Variants in KLK11 observed in about 807,000 individuals in gnomAD.
KLK11 encodes the protein kallikrein-11.
A neutral mutation model predicts 23.4 loss-of-function variants in KLK11; 10 were observed. The ratio of observed to expected loss-of-function variants is 0.43; its 90% CI spans 0.26 to 0.73. KLK11 has a LOEUF of 0.73. Ranked by LOEUF, KLK11 falls within the 30% of genes least tolerant of loss-of-function variation. The probability of loss-of-function intolerance (pLI) is 0.22; values close to 1 mark genes in which losing one functional copy is unlikely to be tolerated. For missense variants in KLK11, 285 were observed against 327.8 expected, an observed-to-expected ratio of 0.87 and a Z score of 1.01; for synonymous variants, 131 against 131.7, an observed-to-expected ratio of 0.99 and a Z score of 0.03.
chr19:51,027,863 C>T (rs2091508279), upstream of KLK11: 1 of 244,408 alleles, frequency 4.1e-6, no homozygotes, highest in Non-Finnish European at 8.0e-6. Context: ...AGCAAATGTG[C>T]CTCCGCTGGT....
In KLK11 at chr19:51,023,198, T is replaced by C. The variant is rs777058317; in HGVS notation, c.494A>G (p.Asn165Ser). The C allele has an allele frequency of 6.2e-7, 1 of 1,613,504 alleles. No homozygotes were observed. Among genetic ancestry groups the C allele is most frequent in the African/African-American group, 1.3e-5 (1 of 74,838 alleles). ...CTTCTGGTGCTCAATGATGGTGATGTTGGCGCATCGCAAGGTGTGAGGCAG... is the reference window on the plus strand; with the variant it reads ...CTTCTGGTGCTCAATGATGGTGATGCTGGCGCATCGCAAGGTGTGAGGCAG... ...LRLPHTLRCA[N>S]ITIIEHQKCE... The change falls in exon 5 of 6, where the codon AAC becomes AGC. Residue 165 changes from asparagine to serine, a missense_variant. Transcript: ENST00000453757.
upstream of KLK11, chr19:51,026,697 G>A (rs942074255): frequency 1.2e-5 from 9 of 729,770 alleles, no homozygotes; most frequent in African/African-American, 1.5e-4. Context: ...TGGCCTCCAA[G>A]CCCTGCCTTA....
rs993400993 is a variant in KLK11, at chr19:51,022,595, T to C, written c.703A>G (p.Lys235Glu). ...AITRKPGVYT[K>E]VCKYVDWIQE... is the part of the protein sequence containing the mutation. Reference sequence around the variant, plus strand: ...ATCCAGTCCACATATTTGCAGACTTTCGTGTAGACACCAGGCTTTCGGGTG... The same window carrying C: ...ATCCAGTCCACATATTTGCAGACTTCCGTGTAGACACCAGGCTTTCGGGTG... The change falls in exon 6 of 6, where the codon AAA becomes GAA. Residue 235 changes from lysine to glutamate, a missense_variant. Coordinates refer to ENST00000453757, the MANE Select transcript of KLK11 (RefSeq NM_001136032.3). 1.6e-5 allele frequency: 26 copies of C among 1,614,004 alleles called. No individual in the cohort carries two copies. Among genetic ancestry groups the C allele is most frequent in the Non-Finnish European group, 2.0e-5 (24 of 1,180,050 alleles).
Position 51,023,108 on chromosome 19 carries a change from C to A in KLK11, c.584G>T (p.Gly195Val), listed in dbSNP as rs1370019934. Residue 195 changes from glycine (G) to valine (V), a missense_variant, in exon 5 of 6, where the codon GGC (glycine) becomes GTC (valine). By Grantham distance (109) the Gly-to-Val change is moderately radical (BLOSUM62 -3). Coordinates refer to ENST00000453757, the MANE Select transcript of KLK11 (RefSeq NM_001136032.3). ...TMVCASVQEG[G>V]KDSCQGDSGG... is the part of the protein sequence containing the mutation. ...CACACTGACCTGGCAGGAGTCCTTG[C>A]CCCCTTCCTGCACGCTGGCACACAC... is the stretch of plus-strand genomic sequence containing the variant. 6.2e-7 allele frequency: 1 copy of A among 1,609,688 alleles called. No individual in the cohort carries two copies. The highest frequency in any genetic ancestry group is 1.3e-5 in the African/African-American group (1 of 74,916).
In KLK11 at chr19:51,023,209, C is replaced by G. The variant is rs375260719; in HGVS notation, c.483G>C (p.Leu161Phe). The change falls in exon 5 of 6, where the codon TTG becomes TTC. Residue 161 changes from leucine (L) to phenylalanine (F), a missense_variant. Physicochemically the swap from Leu to Phe is conservative, Grantham distance 22. Coordinates refer to ENST00000453757, the MANE Select transcript of KLK11 (RefSeq NM_001136032.3). ...SSPQLRLPHT[L>F]RCANITIIEH... ...CAATGATGGTGATGTTGGCGCATCG[C>G]AAGGTGTGAGGCAGGCGTACTGTGG... 9 of 1,613,156 alleles carry G rather than the reference C, an allele frequency of 5.6e-6. No individual in the cohort carries two copies. In the African/African-American group the frequency reaches 6.7e-5, roughly 12 times the overall value.
In KLK11 at chr19:51,025,604, C is replaced by G. The variant is rs1344838361; in HGVS notation, c.28G>C (p.Ala10Pro). The G allele has an allele frequency of 5.7e-6, 9 of 1,584,940 alleles. No homozygotes were observed. The highest frequency in any genetic ancestry group is 7.7e-6 in the Non-Finnish European group (9 of 1,165,070). Residue 10 changes from alanine to proline, a missense_variant, in exon 2 of 6, where the codon GCT becomes CCT. Physicochemically the swap from Ala to Pro is conservative, Grantham distance 27. Coordinates refer to ENST00000453757, the MANE Select transcript of KLK11 (RefSeq NM_001136032.3). The surrounding 1 kb of genome is among the most constrained non-coding windows in gnomAD (Gnocchi z 6.2). ...ATCCCCTGCGTACCTGTTGCCAGAG[C>G]AAGCAGGATTAACTGCAGAATCCTC... The part of the protein sequence containing the change: MRILQLILL[A>P]LATGLVGGET...
In KLK11 at chr19:51,024,689, G is replaced by GC. The variant is rs1568572352; in HGVS notation, c.145dup (p.Ala49GlyfsTer36). 6.2e-7 allele frequency: 1 copy of GC among 1,601,310 alleles called. No homozygotes were observed. Among genetic ancestry groups the GC allele is most frequent in the South Asian group, 1.1e-5 (1 of 89,044 alleles). On this transcript the variant is annotated frameshift_variant, in exon 3 of 6. Coordinates refer to ENST00000453757, the MANE Select transcript of KLK11 (RefSeq NM_001136032.3). LOFTEE classifies it high-confidence loss of function. This position sits in a 1 kb window ranked among gnomAD's most constrained non-coding sequence, Gnocchi z 6.2. Reference sequence around the variant, plus strand: ...GAGCCATCTGGGGGCGATGAGCGTCGCCCCACAGAGTAGCCGCGTCTTCTC... The same window carrying GC: ...GAGCCATCTGGGGGCGATGAGCGTCGCCCCCACAGAGTAGCCGCGTCTTCTC...
chr19:51,023,029 G>A, intron 5 of KLK11, 63 bp downstream of exon 5: 1 of 1,522,114 alleles, frequency 6.6e-7, no homozygotes. Context: ...AATTGTGGAT[G>A]TCGGTAAAGA....
At chr19:51,023,322 G>C in intron 4 of KLK11, 94 bp from the exon 5 acceptor site, 1 of 1,473,762 alleles carries the variant, frequency 6.8e-7, no homozygotes, top group Non-Finnish European at 9.2e-7. Flanking sequence ...GGGAATCCCT[G>C]TCCTTAGACG....
At position 51,024,770 on chromosome 19, in the gene KLK11, A is replaced by G. The variant is rs2091457465; in HGVS notation, c.65T>C (p.Ile22Thr). The G allele has an allele frequency of 6.3e-7, 1 of 1,595,974 alleles. No individual in the cohort carries two copies. Among genetic ancestry groups the G allele is most frequent in the Non-Finnish European group, 8.5e-7 (1 of 1,174,132 alleles). The part of the protein sequence containing the change: ...ATGLVGGETR[I>T]IKGFECKPHS... ...AGGCTTGCACTCGAACCCCTTGATG[A>G]TCCTGGTCTCTCCCCCTACAAGCCC... is the stretch of plus-strand genomic sequence containing the variant. The change falls in exon 3 of 6, where the codon ATC becomes ACC. Residue 22 changes from isoleucine to threonine, a missense_variant. Transcript: ENST00000453757. The surrounding 1 kb of genome is among the most constrained non-coding windows in gnomAD (Gnocchi z 6.2).
rs1202214177 is a variant in KLK11, at chr19:51,025,585, T to C, written c.40+7A>G. The C allele has an allele frequency of 1.9e-6, 3 of 1,566,748 alleles. No homozygotes were observed. On this transcript the variant is annotated splice_region_variant and intron_variant, in intron 2 of 5. Transcript: ENST00000453757. The surrounding 1 kb of genome is among the most constrained non-coding windows in gnomAD (Gnocchi z 6.2). ...AGGATCCTGCCCTGCCCCCATCCCC[T>C]GCGTACCTGTTGCCAGAGCAAGCAG...
At chr19:51,027,497 C>T (rs2091504063), upstream of KLK11, 5 of 1,614,162 alleles carry the variant, frequency 3.1e-6, no homozygotes, top group Non-Finnish European at 4.2e-6. Context: ...TCCAGTCCCG[C>T]AGCCACCTCA....
rs2091413748 is a variant in KLK11 at position 51,022,335 on chromosome 19, A to G, written c.*210T>C. On this transcript the variant is annotated 3_prime_UTR_variant, in exon 6 of 6. Transcript: ENST00000453757. ...ACAAACCAGGTGTTGTCATTCCCAGAGTCACAATATTTCAAGGCAGAATTT... is the reference window on the plus strand; with the variant it reads ...ACAAACCAGGTGTTGTCATTCCCAGGGTCACAATATTTCAAGGCAGAATTT... 1 of 590,192 alleles carries G rather than the reference A, an allele frequency of 1.7e-6. No homozygotes were observed. Among genetic ancestry groups the G allele is most frequent in the Non-Finnish European group, 3.0e-6 (1 of 331,084 alleles). 36.6% of individuals were successfully genotyped at this position (590,192 alleles called of 1,614,324 possible).
In KLK11 at chr19:51,022,442, G is replaced by T; in HGVS notation, c.*103C>A. 1 of 1,406,830 alleles carries T rather than the reference G, an allele frequency of 7.1e-7. No homozygotes were observed. Among genetic ancestry groups the T allele is most frequent in the Non-Finnish European group, 1.0e-6 (1 of 997,300 alleles). 87.1% of individuals were successfully genotyped at this position (1,406,830 alleles called of 1,614,324 possible). On this transcript the variant is annotated 3_prime_UTR_variant, in exon 6 of 6. Transcript: ENST00000453757. ...CTGTAGTCCAGGAGGCCCAAAGAAT[G>T]TTCGTAGAGGGTCTTGGCTTAGGGT...
chr19:51,026,348 G>A (rs2091486174), intron 1 of KLK11, among the ~76,000 whole-genome samples, 190 bp downstream of exon 1: 1 of 151,940 alleles, frequency 6.6e-6, no homozygotes, highest in African/African-American at 2.4e-5. Context: ...CTGAAGCCAT[G>A]GAGATTAGAG....
chr19:51,027,952 T>C (rs1179351805), upstream of KLK11: 1 of 159,034 alleles, frequency 6.3e-6, no homozygotes, highest in African/African-American at 2.4e-5. Context: ...ACCTCTTGAG[T>C]CCCAGTGGAG....
chr19:51,023,385 T>A, intron 4 of KLK11, 157 bp from the exon 5 acceptor site: 1 of 117,902 alleles, frequency 8.5e-6, no homozygotes, highest in African/African-American at 1.3e-4. Context: ...GCTATCCAGC[T>A]TTTTTTTTTT....
chr19:51,024,225 G>A lies in KLK11; in HGVS notation c.283C>T (p.His95Tyr), dbSNP rs765607171. Reference sequence around the variant, plus strand: ...GGGAGGCTGTTGTTGAAGCCGGGGTGGGGGAAGGACTCAGTGGCTGTCCGG... The same window carrying A: ...GGGAGGCTGTTGTTGAAGCCGGGGTAGGGGAAGGACTCAGTGGCTGTCCGG... ...QTRTATESFP[H>Y]PGFNNSLPNK... The change falls in exon 4 of 6, where the codon CAC (histidine) becomes TAC (tyrosine). Residue 95 changes from histidine (H) to tyrosine (Y), a missense_variant. Physicochemically the swap from His to Tyr is moderately conservative, Grantham distance 83 (BLOSUM62 2). Transcript: ENST00000453757. This position sits in a 1 kb window ranked among gnomAD's most constrained non-coding sequence, Gnocchi z 6.2. 1.7e-5 allele frequency: 27 copies of A among 1,614,048 alleles called. No homozygotes were observed. The East Asian group carries it at 3.3e-4, about 20-fold the overall frequency.
chr19:51,026,818 CTCTG>C (rs1005704092), upstream of KLK11: 7 of 154,920 alleles, frequency 4.5e-5, no homozygotes, highest in Non-Finnish European at 8.7e-5. Flanking sequence ...CTCAGCCTCC[CTCTG>C]TCTGTCTGTC....
Sources: gnomAD v4.1 joint callset for allele counts (sites outside exome capture counted in the v4.1 genomes callset) on GRCh38, gnomAD v4.1.1 for gene constraint, Gnocchi (gnomAD v3.1) non-coding constraint, MANE v1.5 for transcripts, NCBI Gene and HGNC (gene_info 2026-07-23, HGNC 2026-07-21) for gene names.